CTSB: variants seen among roughly 807,000 people sequenced by gnomAD.
CTSB encodes the protein APP secretase.
A neutral mutation model predicts 44.3 loss-of-function variants in CTSB; 57 were observed. The ratio of observed to expected loss-of-function variants is 1.29; its 90% CI spans 1.04 to 1.60. The LOEUF is 1.60. CTSB is among the 40% of genes most tolerant of loss of function. The pLI is 0.00. For missense variants in CTSB, 768 were observed against 443.0 expected (o/e 1.73, Z -6.59); for synonymous variants, 320 against 168.0 (o/e 1.91, Z -7.00).
chr8:11,850,626 G>C, intron 4 of CTSB: 1 of 358,532 alleles, frequency 2.8e-6, no homozygotes, highest in East Asian at 4.4e-5. Context: ...AAAGGGAGCT[G>C]CTTCGCCACC....
chr8:11,862,652 C>G (rs925143751), intron 1 of CTSB, among the ~76,000 whole-genome samples: 1 of 152,196 alleles, frequency 6.6e-6, no homozygotes, highest in South Asian at 2.1e-4. Flanking sequence ...TTTGATGATA[C>G]GCTTCCAACC....
In CTSB at chr8:11,853,328, C is replaced by G. The variant is rs762037444; in HGVS notation, c.126+1G>C. The G allele has an allele frequency of 3.1e-6, 5 of 1,613,230 alleles. No individual in the cohort carries two copies. The African/African-American group carries it at 6.7e-5, about 22-fold the overall frequency. ...ACATAGGACGCAGCCCCACAGCCTA[C>G]CTGCCACGTGGTATTCCGTTTGTTG... On this transcript the variant is annotated splice_donor_variant, in intron 2 of 9. Transcript: ENST00000353047. LOFTEE classifies it high-confidence loss of function.
intron 1 of CTSB, among the ~76,000 whole-genome samples, chr8:11,860,930 G>GAC (rs1563429565): frequency 6.6e-6 from 1 of 152,224 alleles, no homozygotes; most frequent in African/African-American, 2.4e-5. Context: ...CAACCTGCCA[G>GAC]ACACACCTCA....
chr8:11,852,575 T>G, intron 3 of CTSB, 35 bp downstream of exon 3: 1 of 1,567,196 alleles, frequency 6.4e-7, no homozygotes, highest in Non-Finnish European at 8.7e-7. Flanking sequence ...CGCCTGCCAC[T>G]CACATTACAG....
rs562878495 is a variant in CTSB at position 11,860,059 on chromosome 8, A to T, written c.-25-6580T>A. ...TGCACTCCAGCCTGGGCGACAGAGC[A>T]ACACTCTGTCTCAGAGAAAAAAAAA... On this transcript the variant is annotated intron_variant, in intron 1 of 9. Coordinates refer to ENST00000353047, the MANE Select transcript of CTSB (RefSeq NM_001908.5). 5.9e-5 allele frequency among the ~76,000 whole-genome samples: 9 copies of T among 152,108 alleles called. 1 individual carries two copies. In the South Asian group the frequency reaches 1.9e-3, roughly 32 times the overall value.
At chr8:11,866,373 C>T (rs942202912) in intron 1 of CTSB, among the ~76,000 whole-genome samples, 3 of 152,254 alleles carry the variant, frequency 2.0e-5, no homozygotes, top group Non-Finnish European at 2.9e-5. Flanking sequence ...AGGGCCGTGT[C>T]TGGCCTGCGT....
chr8:11,864,642 TAA>T lies in CTSB; in HGVS notation c.-26+3357_-26+3358del, dbSNP rs1563439089. On this transcript the variant is annotated intron_variant, in intron 1 of 9. Transcript: ENST00000353047. ...AGAGGCGGACGATAAGGCTTGAAACTAAAAAAGAGATTAGTTAAAAGTCTAAA... is the reference window on the plus strand; with the variant it reads ...AGAGGCGGACGATAAGGCTTGAAACTAAAAGAGATTAGTTAAAAGTCTAAA... 4.6e-5 allele frequency among the ~76,000 whole-genome samples: 7 copies of T among 151,948 alleles called. No homozygotes were observed. The South Asian group carries it at 1.5e-3, about 32-fold the overall frequency.
chr8:11,848,720 T>A (rs1736090), intron 5 of CTSB: 9 of 293,836 alleles, frequency 3.1e-5, no homozygotes, highest in Admixed American at 4.3e-5. Flanking sequence ...CATAAGGAAA[T>A]GCCCCAAACT....
At chr8:11,850,558 T>G in intron 4 of CTSB, 1 of 237,434 alleles carries the variant, frequency 4.2e-6, no homozygotes, top group Non-Finnish European at 8.2e-6. Context: ...GGATGCTTTC[T>G]TGAAGCAGAG....
Position 11,852,713 on chromosome 8 carries a change from A to C in CTSB, c.127-18T>G, listed in dbSNP as rs745849990. On this transcript the variant is annotated intron_variant, in intron 2 of 9. Transcript: ENST00000353047. ...TGCCCGGCCTGGAAGAGAGTCACCC[A>C]CTGACTGAAGGGTCTCCCGGGATGG... 1 of 1,611,452 alleles carries C rather than the reference A, an allele frequency of 6.2e-7. No homozygotes were observed. Among genetic ancestry groups the C allele is most frequent in the Non-Finnish European group, 8.5e-7 (1 of 1,178,102 alleles).
chr8:11,853,685 G>T, intron 1 of CTSB: 1 of 505,732 alleles, frequency 2.0e-6, no homozygotes. Flanking sequence ...CCGGGGGCCA[G>T]GCGGCCAGAG....
Position 11,847,791 on chromosome 8 carries a change from C to G in CTSB, c.564G>C (p.Glu188Asp), listed in dbSNP as rs1356828811. The change falls in exon 7 of 10, where the codon GAG (glutamate) becomes GAC (aspartate). Residue 188 changes from glutamate (E) to aspartate (D), a missense_variant. Coordinates refer to ENST00000353047, the MANE Select transcript of CTSB (RefSeq NM_001908.5). ...GGGGCCGGGAGCCGTTGACGTGGTG[C>G]TCACAGGGAGGGATGGAGTACGGTC... ...GCRPYSIPPCEHHVNGSRPPC... is the reference protein window; with the variant it reads ...GCRPYSIPPCDHHVNGSRPPC... The G allele has an allele frequency of 6.3e-7, 1 of 1,598,796 alleles. No individual in the cohort carries two copies. The highest frequency in any genetic ancestry group is 1.1e-5 in the South Asian group (1 of 88,910).
intron 1 of CTSB, among the ~76,000 whole-genome samples, chr8:11,855,158 A>C (rs1586156655): frequency 6.6e-6 from 1 of 152,084 alleles, no homozygotes; most frequent in African/African-American, 2.4e-5. Flanking sequence ...GAGCAGCGGG[A>C]TTACAGGCAT....
chr8:11,846,093 C>T (rs1813275530), intron 8 of CTSB: 6 of 205,736 alleles, frequency 2.9e-5, no homozygotes, highest in Middle Eastern at 1.8e-3. Flanking sequence ...TGCTAGATGA[C>T]TGATTCATCT....
chr8:11,857,287 G>C (rs969805017), intron 1 of CTSB, among the ~76,000 whole-genome samples: 2 of 152,128 alleles, frequency 1.3e-5, no homozygotes, highest in Admixed American at 6.6e-5. Context: ...CAAAGTGCTA[G>C]GATTACAGGC....
At chr8:11,866,636 G>T (rs2150465546) in intron 1 of CTSB, among the ~76,000 whole-genome samples, 1 of 152,274 alleles carries the variant, frequency 6.6e-6, no homozygotes, top group South Asian at 2.1e-4. Flanking sequence ...GAGACAGGCG[G>T]ATCACCTGAG....
At chr8:11,848,173 G>T (rs746869597) in intron 5 of CTSB, 21 bp from the exon 6 acceptor site, 2 of 1,606,220 alleles carry the variant, frequency 1.2e-6, no homozygotes, top group South Asian at 2.2e-5. Context: ...AGCCTCTAAT[G>T]AAAACCTCTG....
chr8:11,866,776 C>G (rs1053539380), intron 1 of CTSB, among the ~76,000 whole-genome samples: 2 of 152,174 alleles, frequency 1.3e-5, no homozygotes, highest in Admixed American at 6.5e-5. Flanking sequence ...AGGAGAATAG[C>G]TTGAATTTGG....
In CTSB at chr8:11,844,860, G is replaced by A. The variant is rs1036332413; in HGVS notation, c.*265C>T. Reference sequence around the variant, plus strand: ...ATCACGGAGGGGGCCACAGTCAGCTGGGGCAGCAGGTACTCCCTACGGCAC... The same window carrying A: ...ATCACGGAGGGGGCCACAGTCAGCTAGGGCAGCAGGTACTCCCTACGGCAC... On this transcript the variant is annotated 3_prime_UTR_variant, in exon 10 of 10. Coordinates refer to ENST00000353047, the MANE Select transcript of CTSB (RefSeq NM_001908.5). 7 of 436,720 alleles carry A rather than the reference G, an allele frequency of 1.6e-5. No individual in the cohort carries two copies. Among genetic ancestry groups the A allele is most frequent in the Non-Finnish European group, 2.9e-5 (7 of 241,456 alleles). 27.1% of individuals were successfully genotyped at this position (436,720 alleles called of 1,614,324 possible). A position where few individuals can be genotyped will look rare whatever the true frequency, so the allele number is the denominator to read the frequency against.
Sources: gnomAD v4.1 joint callset for allele counts (sites outside exome capture counted in the v4.1 genomes callset) on GRCh38, gnomAD v4.1.1 for gene constraint, MANE v1.5 for transcripts, NCBI Gene and HGNC (gene_info 2026-07-23, HGNC 2026-07-21) for gene names.